ADAMTS20: variants seen among roughly 807,000 people sequenced by gnomAD.
ADAMTS20 encodes the protein A disintegrin and metalloproteinase with thrombospondin motifs 20.
A neutral mutation model predicts 260.1 loss-of-function variants in ADAMTS20; 225 were observed. The observed-to-expected ratio is 0.87, with a 90% CI of 0.78 to 0.97. The LOEUF (loss-of-function observed/expected upper bound fraction) is 0.97. Ranked by LOEUF, ADAMTS20 falls within the 50% of genes least tolerant of loss-of-function variation. ADAMTS20 has a pLI of 0.00. For synonymous variants in ADAMTS20, 802 were observed against 769.5 expected, an observed-to-expected ratio of 1.04 and a Z score of -0.70; for missense variants, 2,400 against 2,337.7, an observed-to-expected ratio of 1.03 and a Z score of -0.55.
chr12:43,471,103 CAGT>C (rs1211611942), intron 7 of ADAMTS20, among the ~76,000 whole-genome samples: 1 of 152,056 alleles, frequency 6.6e-6, no homozygotes, highest in Non-Finnish European at 1.5e-5. Context: ...GAGTGCCAGA[CAGT>C]GGGCGCAGGC....
In ADAMTS20 at chr12:43,485,210, G is replaced by A. The variant is rs150741042; in HGVS notation, c.1117+5185C>T. On this transcript the variant is annotated intron_variant, in intron 7 of 38. Coordinates refer to ENST00000389420, the MANE Select transcript of ADAMTS20 (RefSeq NM_025003.5). ...ATACTAGCAAACTGAAGAGTGCATC[G>A]AAAACATAATTCACCATGATCAAAG... is the stretch of plus-strand genomic sequence containing the variant. Among the ~76,000 whole-genome samples, 875 of 151,582 alleles carry A rather than the reference G, an allele frequency of 5.8e-3. 3 individuals carry two copies. The highest frequency in any genetic ancestry group is 0.01 in the Middle Eastern group (3 of 294).
In ADAMTS20 at chr12:43,405,247, A is replaced by C. The variant is rs1011957302; in HGVS notation, c.4285-6014T>G. 1.9e-3 allele frequency among the ~76,000 whole-genome samples: 275 copies of C among 144,332 alleles called. 4 individuals carry two copies. The highest frequency in any genetic ancestry group is 4.6e-3 in the Admixed American group (65 of 14,266). The allele number at this position is 144,332 out of a possible 152,430, so 94.7% of individuals were successfully genotyped here. A position where few individuals can be genotyped will look rare whatever the true frequency, so the allele number is the denominator to read the frequency against. On this transcript the variant is annotated intron_variant, in intron 28 of 38. Coordinates refer to ENST00000389420, the MANE Select transcript of ADAMTS20 (RefSeq NM_025003.5). ...ATCTCTACAAAAAAAAAAAAAAAAAAAAAAAAAAAAAAAAATTAGCCAGGC... is the reference window on the plus strand; with the variant it reads ...ATCTCTACAAAAAAAAAAAAAAAAACAAAAAAAAAAAAAAATTAGCCAGGC...
chr12:43,413,764 A>T (rs936890684), intron 28 of ADAMTS20, among the ~76,000 whole-genome samples: 1 of 152,188 alleles, frequency 6.6e-6, no homozygotes, highest in Admixed American at 6.5e-5. Flanking sequence ...CATCAAACTG[A>T]TATTTAAAAC....
chr12:43,455,877 T>A (rs1384446700), intron 11 of ADAMTS20, among the ~76,000 whole-genome samples: 3 of 152,102 alleles, frequency 2.0e-5, no homozygotes. Context: ...ACCCGCTAAT[T>A]TTTGTATTTT....
Position 43,376,280 on chromosome 12 carries a change from T to C in ADAMTS20, c.5176A>G (p.Lys1726Glu), listed in dbSNP as rs1009209461. ...ATGTTAAGGTAATAGTCACCATCCT[T>C]TCTAATGTGGTTTTTCACTTGAATT... ...KEIQVKNHIRKDGDYYLNIKG... is the reference protein window; with the variant it reads ...KEIQVKNHIREDGDYYLNIKG... Residue 1726 changes from lysine (K) to glutamate (E), a missense_variant, in exon 34 of 39, where the codon AAG becomes GAG. Lys to Glu is a moderately conservative substitution (Grantham distance 56). Transcript: ENST00000389420. 6 of 1,555,978 alleles carry C rather than the reference T, an allele frequency of 3.9e-6. No homozygotes were observed. Among genetic ancestry groups the C allele is most frequent in the Non-Finnish European group, 5.2e-6 (6 of 1,148,478 alleles).
At chr12:43,528,645 C>T (rs1943180040) in intron 3 of ADAMTS20, among the ~76,000 whole-genome samples, 1 of 151,962 alleles carries the variant, frequency 6.6e-6, no homozygotes. Context: ...TCCCCTTGTA[C>T]AAAAATCAAC....
chr12:43,367,788 T>G (rs1358058397), intron 37 of ADAMTS20, among the ~76,000 whole-genome samples: 2 of 152,098 alleles, frequency 1.3e-5, no homozygotes, highest in African/African-American at 4.8e-5. Flanking sequence ...AAGAAAATCC[T>G]AAGTAATCTA....
chr12:43,484,156 A>C (rs1395630365), intron 7 of ADAMTS20, among the ~76,000 whole-genome samples: 1 of 152,196 alleles, frequency 6.6e-6, no homozygotes, highest in African/African-American at 2.4e-5. Flanking sequence ...AAGGGGGAAA[A>C]ATGAAATTCT....
chr12:43,425,290 A>C (rs1024628808), intron 28 of ADAMTS20, among the ~76,000 whole-genome samples: 1 of 152,112 alleles, frequency 6.6e-6, no homozygotes, highest in African/African-American at 2.4e-5. Flanking sequence ...AGCATCAGAA[A>C]GAATAGCTAG....
Position 43,510,995 on chromosome 12 carries a change from G to A in ADAMTS20, c.614-8590C>T, listed in dbSNP as rs1177758715. On this transcript the variant is annotated intron_variant, in intron 3 of 38. Transcript: ENST00000389420. ...CTATTAATGTGAGAAATAGTCTCCC[G>A]ATACCTATAACTGATATTCAAAACT... Among the ~76,000 whole-genome samples, 6 of 151,818 alleles carry A rather than the reference G, an allele frequency of 4.0e-5. No homozygotes were observed. In the East Asian group the frequency reaches 7.7e-4, roughly 20 times the overall value.
intron 4 of ADAMTS20, among the ~76,000 whole-genome samples, chr12:43,499,828 G>A (rs1008726338): frequency 6.6e-6 from 1 of 151,908 alleles, no homozygotes; most frequent in South Asian, 2.1e-4. Flanking sequence ...GTAAAATATA[G>A]ATAACAAAAC....
chr12:43,524,121 A>G (rs559180783), intron 3 of ADAMTS20, among the ~76,000 whole-genome samples: 1 of 31,684 alleles, frequency 3.2e-5, no homozygotes, highest in East Asian at 8.6e-3. Context: ...ACATGACTGC[A>G]GCAATCACAA....
At chr12:43,546,029 AG>A (rs1182125050) in intron 2 of ADAMTS20, among the ~76,000 whole-genome samples, 1 of 152,222 alleles carries the variant, frequency 6.6e-6, no homozygotes, top group Non-Finnish European at 1.5e-5. Context: ...TTTCTCAATA[AG>A]AAAAAATATG....
chr12:43,549,436 T>G (rs1265249964), intron 2 of ADAMTS20, among the ~76,000 whole-genome samples: 1 of 152,024 alleles, frequency 6.6e-6, no homozygotes, highest in Non-Finnish European at 1.5e-5. Flanking sequence ...ATACCTACTA[T>G]GTACCCACAA....
intron 3 of ADAMTS20, among the ~76,000 whole-genome samples, chr12:43,519,697 C>G (rs1943045834): frequency 6.6e-6 from 1 of 152,168 alleles, no homozygotes; most frequent in Admixed American, 6.6e-5. Flanking sequence ...TGGTAAGAAA[C>G]TTTTCATTTA....
chr12:43,398,898 ATG>A (rs1940754660), intron 29 of ADAMTS20, among the ~76,000 whole-genome samples, 166 bp downstream of exon 29: 1 of 152,160 alleles, frequency 6.6e-6, no homozygotes, highest in Admixed American at 6.6e-5. Context: ...AACTTAGGAA[ATG>A]TGTTAACACT....
At chr12:43,466,903 T>C (rs1401954517) in intron 8 of ADAMTS20, 108 bp from the exon 9 acceptor site, 31 of 831,136 alleles carry the variant, frequency 3.7e-5, no homozygotes, top group Middle Eastern at 3.7e-4. Context: ...TAGATAAATC[T>C]GGTTATATCA....
At chr12:43,384,293 A>G (rs533058867) in intron 29 of ADAMTS20, among the ~76,000 whole-genome samples, 120 of 152,314 alleles carry the variant, frequency 7.9e-4, no homozygotes, top group African/African-American at 2.8e-3. Context: ...CACACAATTA[A>G]TCATGAATTA....
chr12:43,460,863 C>T (rs1336786952), intron 11 of ADAMTS20, among the ~76,000 whole-genome samples: 1 of 147,872 alleles, frequency 6.8e-6, no homozygotes, highest in Non-Finnish European at 1.5e-5. Flanking sequence ...TATAGTTCTA[C>T]TTACAAGAAC....
Sources: allele counts gnomAD v4.1 joint callset (sites outside exome capture counted in the v4.1 genomes callset), GRCh38; gene constraint gnomAD v4.1.1; transcripts MANE v1.5; gene names NCBI Gene and HGNC (gene_info 2026-07-23, HGNC 2026-07-21).